Variants in CLTCL1 observed in about 807,000 individuals in gnomAD.
CLTCL1 encodes clathrin heavy chain like 1, also known as clathrin heavy chain 2.
Under a neutral mutation model 190.0 loss-of-function variants are expected in CLTCL1, and 159 were observed. The ratio of observed to expected loss-of-function variants is 0.84; its 90% CI spans 0.74 to 0.95. The LOEUF is 0.95. Ranked by LOEUF, CLTCL1 falls within the 40% of genes least tolerant of loss-of-function variation. The pLI is 0.00. For missense variants in CLTCL1, 1,878 were observed against 2,033.4 expected (o/e 0.92, Z 1.47); for synonymous variants, 752 against 769.6 (o/e 0.98, Z 0.38).
chr22:19,196,115 T>G, intron 26 of CLTCL1, 151 bp downstream of exon 26: 1 of 748,860 alleles, frequency 1.3e-6, no homozygotes, highest in Non-Finnish European at 2.1e-6. Context: ...TACTACCATC[T>G]GCCCAGAGGG....
intron 26 of CLTCL1, 138 bp from the exon 27 acceptor site, chr22:19,191,573 A>C: frequency 9.8e-7 from 1 of 1,019,700 alleles, no homozygotes; most frequent in Non-Finnish European, 1.4e-6. Flanking sequence ...TGGCCTGTGA[A>C]GGTGCCTCCT....
intron 3 of CLTCL1, among the ~76,000 whole-genome samples, chr22:19,252,073 T>C (rs574626604): frequency 6.6e-6 from 1 of 152,226 alleles, no homozygotes; most frequent in Non-Finnish European, 1.5e-5. Flanking sequence ...ATGGAAGTAC[T>C]CCTTCCCTGT....
At chr22:19,213,728 T>C (rs2085300977) in intron 19 of CLTCL1, among the ~76,000 whole-genome samples, 1 of 151,646 alleles carries the variant, frequency 6.6e-6, no homozygotes, top group Non-Finnish European at 1.5e-5. Context: ...TTCTTGAAAA[T>C]GCAAAACTAG....
At chr22:19,282,153 AC>A (rs1319989506) in intron 1 of CLTCL1, among the ~76,000 whole-genome samples, 1 of 151,690 alleles carries the variant, frequency 6.6e-6, no homozygotes. Context: ...ATATGGTGAA[AC>A]CCCGTCTCTA....
At chr22:19,257,066 C>T (rs138892348) in intron 2 of CLTCL1, among the ~76,000 whole-genome samples, 1 of 152,136 alleles carries the variant, frequency 6.6e-6, no homozygotes. Context: ...GGCCCAAACA[C>T]ATTTTTTATA....
At chr22:19,200,702 C>T (rs927803292) in intron 23 of CLTCL1, among the ~76,000 whole-genome samples, 2 of 152,020 alleles carry the variant, frequency 1.3e-5, no homozygotes, top group Non-Finnish European at 1.5e-5. Context: ...ATTAGCCGGG[C>T]GTGGTGGCGG....
chr22:19,181,093 G>A (rs1356793112), intron 30 of CLTCL1: 4 of 487,482 alleles, frequency 8.2e-6, no homozygotes, highest in East Asian at 6.8e-5. Flanking sequence ...GGCTGTGCAT[G>A]TGGCCTGCTT....
At chr22:19,209,202 C>T in intron 20 of CLTCL1, 88 bp from the exon 21 acceptor site, 1 of 1,226,874 alleles carries the variant, frequency 8.2e-7, no homozygotes, top group East Asian at 2.6e-5. Flanking sequence ...CCTGTTCTGC[C>T]TAAAGCTGCA....
intron 1 of CLTCL1, among the ~76,000 whole-genome samples, chr22:19,290,732 A>C (rs1235370520): frequency 6.6e-6 from 1 of 152,246 alleles, no homozygotes. Flanking sequence ...TCCTCGATGT[A>C]CTACTTTGTG....
Position 19,216,272 on chromosome 22 carries a change from A to G in CLTCL1, c.2920-16T>C, listed in dbSNP as rs781977358. 3 of 1,612,512 alleles carry G rather than the reference A, an allele frequency of 1.9e-6. No homozygotes were observed. In the African/African-American group the frequency reaches 4.0e-5, roughly 22 times the overall value. Reference sequence around the variant, plus strand: ...TCTGTACCACCTGGTTTTAAAAAGCATTTGAAAGAACTTGATTAAAGTCAA... The same window carrying G: ...TCTGTACCACCTGGTTTTAAAAAGCGTTTGAAAGAACTTGATTAAAGTCAA... On this transcript the variant is annotated splice_polypyrimidine_tract_variant and intron_variant, in intron 18 of 32. Transcript: ENST00000427926.
intron 3 of CLTCL1, among the ~76,000 whole-genome samples, chr22:19,251,738 G>A (rs1195940713): frequency 1.3e-5 from 2 of 152,076 alleles, no homozygotes; most frequent in African/African-American, 2.4e-5. Flanking sequence ...TTACAGGCGT[G>A]AGCCACCGTG....
At chr22:19,267,771 T>G (rs1447150057) in intron 2 of CLTCL1, among the ~76,000 whole-genome samples, 2 of 152,022 alleles carry the variant, frequency 1.3e-5, no homozygotes, top group East Asian at 3.9e-4. Flanking sequence ...GGCAGGCACC[T>G]GTAATCCCAG....
chr22:19,261,814 T>C (rs1424311442), intron 2 of CLTCL1, among the ~76,000 whole-genome samples: 10 of 152,314 alleles, frequency 6.6e-5, no homozygotes, highest in Admixed American at 2.0e-4. Context: ...CTGTGAACAC[T>C]GTTGAAATTA....
intron 2 of CLTCL1, among the ~76,000 whole-genome samples, chr22:19,269,705 T>C (rs1185411547): frequency 6.6e-6 from 1 of 152,086 alleles, no homozygotes; most frequent in East Asian, 1.9e-4. Context: ...CACTGCATGT[T>C]CTCACTCATA....
intron 29 of CLTCL1, among the ~76,000 whole-genome samples, chr22:19,186,179 T>G (rs1057406662): frequency 5.9e-5 from 9 of 152,192 alleles, no homozygotes; most frequent in African/African-American, 2.2e-4. Context: ...AGTATCCATG[T>G]GTCCTGTGAA....
At chr22:19,242,661 A>C in intron 4 of CLTCL1, 114 bp downstream of exon 4, 1 of 1,178,124 alleles carries the variant, frequency 8.5e-7, no homozygotes, top group Admixed American at 1.9e-5. Flanking sequence ...CAACACCACC[A>C]TGAACCTTTC....
At chr22:19,257,733 C>T in intron 2 of CLTCL1, 1 of 1,265,602 alleles carries the variant, frequency 7.9e-7, no homozygotes, top group African/African-American at 1.6e-5. Flanking sequence ...GGCCAGGGGT[C>T]TGGCAGGAAT....
chr22:19,185,826 G>A (rs547810407), intron 29 of CLTCL1, among the ~76,000 whole-genome samples: 1 of 152,234 alleles, frequency 6.6e-6, no homozygotes, highest in African/African-American at 2.4e-5. Context: ...GAATGGCTGT[G>A]ATCAGCCAGC....
intron 29 of CLTCL1, chr22:19,184,574 C>T: frequency 2.2e-6 from 1 of 456,026 alleles, no homozygotes; most frequent in Non-Finnish European, 4.4e-6. Context: ...CAGGTGAGAG[C>T]TCCAGGTGCC....
Sources: gnomAD v4.1 joint callset for allele counts (sites outside exome capture counted in the v4.1 genomes callset) on GRCh38, gnomAD v4.1.1 for gene constraint, MANE v1.5 for transcripts, NCBI Gene and HGNC (gene_info 2026-07-23, HGNC 2026-07-21) for gene names.